Variants in SERINC2 observed in about 807,000 individuals in gnomAD.
SERINC2 encodes the protein serine incorporator 2.
SERINC2 carries 56 observed loss-of-function variants against 54.2 expected under a neutral mutation model. The ratio of observed to expected loss-of-function variants is 1.03; its 90% CI spans 0.83 to 1.29. The LOEUF is 1.29. Among genes scored for constraint, SERINC2 ranks in the 50% most tolerant of loss-of-function variants. The pLI, the probability that SERINC2 is intolerant of heterozygous loss-of-function variation, is 0.00. For missense variants in SERINC2, 614 were observed against 607.4 expected (o/e 1.01, Z -0.12); for synonymous variants, 272 against 253.1 (o/e 1.07, Z -0.71).
chr1:31,414,419 GGTT>G (rs199861487), intron 1 of SERINC2: 42 of 1,146,258 alleles, frequency 3.7e-5, no homozygotes, highest in African/African-American at 1.5e-4. Context: ...GTCCCTGACG[GGTT>G]GTGTGTGTGT....
chr1:31,431,760 GAGGGTGGAGAGGGTGAATAGGGTGGAT>G lies in SERINC2; in HGVS notation c.1014-1198_1014-1172del, dbSNP rs1353205868. ...TATGGTATTTGGTAGATAGGGTGGA[GAGGGTGGAGAGGGTGAATAGGGTGGAT>G]AGGGTGGATAGGGTGGACAGGGTGG... is the stretch of plus-strand genomic sequence containing the variant. On this transcript the variant is annotated intron_variant, in intron 8 of 9. Coordinates refer to ENST00000373709, the MANE Select transcript of SERINC2 (RefSeq NM_178865.5). Among the ~76,000 whole-genome samples the G allele has an allele frequency of 2.1e-3, 215 of 103,748 alleles. 1 individual carries two copies. Among genetic ancestry groups the G allele is most frequent in the African/African-American group, 7.2e-3 (199 of 27,642 alleles). The allele number at this position is 103,748 out of a possible 152,430, so 68.1% of individuals were successfully genotyped here.
In SERINC2 at chr1:31,425,639, C is replaced by T. The variant is rs115143581; in HGVS notation, c.473-137C>T. On this transcript the variant is annotated intron_variant, in intron 4 of 9. Coordinates refer to ENST00000373709, the MANE Select transcript of SERINC2 (RefSeq NM_178865.5). ...CCCGACCCATATCCTGCCCTCTGTG[C>T]GTAGCTAGGGGCTCCCTGAGGGCAG... The T allele has an allele frequency of 9.7e-4, 1,105 of 1,144,488 alleles. 10 individuals are homozygous for T. In the African/African-American group the frequency reaches 0.014, roughly 15 times the overall value. 70.9% of individuals were successfully genotyped at this position (1,144,488 alleles called of 1,614,324 possible).
rs974485715 is a variant in SERINC2 at position 31,434,661 on chromosome 1, A to G, written c.*462A>G. 1 of 177,070 alleles carries G rather than the reference A, an allele frequency of 5.6e-6. No homozygotes were observed. Among genetic ancestry groups the G allele is most frequent in the African/African-American group, 2.4e-5 (1 of 42,324 alleles). 11.0% of individuals were successfully genotyped at this position (177,070 alleles called of 1,614,324 possible). A position where few individuals can be genotyped will look rare whatever the true frequency, so the allele number is the denominator to read the frequency against. On this transcript the variant is annotated 3_prime_UTR_variant, in exon 10 of 10. Transcript: ENST00000373709. ...GTCTCTAAGACTTTTTCTAATAAAC[A>G]AGCCAGTGCGTGTACCATGTTCTGT...
intron 6 of SERINC2, among the ~76,000 whole-genome samples, chr1:31,427,334 G>A (rs1441603370): frequency 6.6e-6 from 1 of 152,176 alleles, no homozygotes; most frequent in Non-Finnish European, 1.5e-5. Context: ...TCTTCAGAAA[G>A]TACCGCTGGA....
At chr1:31,413,188 G>GTCCGC (rs1640686016), upstream of SERINC2, 1 of 1,025,904 alleles carries the variant, frequency 9.7e-7, no homozygotes, top group African/African-American at 1.7e-5. The surrounding 1 kb of genome is among the most constrained non-coding windows in gnomAD (Gnocchi z 5.0). Context: ...GGCCGGGGAG[G>GTCCGC]GGCCAGGCCC....
At chr1:31,422,209 G>C (rs1640918946) in intron 1 of SERINC2, among the ~76,000 whole-genome samples, 2 of 151,526 alleles carry the variant, frequency 1.3e-5, no homozygotes, top group South Asian at 4.2e-4. Flanking sequence ...TGAGGTGGGA[G>C]GATGGCTTGA....
chr1:31,429,736 C>T (rs1570058677), intron 8 of SERINC2, among the ~76,000 whole-genome samples, 198 bp downstream of exon 8: 1 of 152,212 alleles, frequency 6.6e-6, no homozygotes, highest in East Asian at 1.9e-4. Flanking sequence ...CAGGCGTGAC[C>T]TTGCCTCCTG....
chr1:31,433,036 C>T lies in SERINC2; in HGVS notation c.1083C>T (p.Asp361=), dbSNP rs201239431. ...CCGAGGAGTGCCCACCTATGCTAGACGCCACACAGCAGCAGCAGCAGGTGG... is the reference window on the plus strand; with the variant it reads ...CCGAGGAGTGCCCACCTATGCTAGATGCCACACAGCAGCAGCAGCAGGTGG... ...MQTEECPPML[D]ATQQQQQVAA... Residue 361 remains aspartate, a synonymous_variant, in exon 9 of 10, where the codon GAC becomes GAT. Coordinates refer to ENST00000373709, the MANE Select transcript of SERINC2 (RefSeq NM_178865.5). 100 of 1,532,876 alleles carry T rather than the reference C, an allele frequency of 6.5e-5. No homozygotes were observed. The highest frequency in any genetic ancestry group is 5.4e-4 in the African/African-American group (28 of 52,074). The allele number at this position is 1,532,876 out of a possible 1,614,324, so 95.0% of individuals were successfully genotyped here.
rs145105630 is a variant in SERINC2 at position 31,434,366 on chromosome 1, A to C, written c.*167A>C. On this transcript the variant is annotated 3_prime_UTR_variant, in exon 10 of 10. Coordinates refer to ENST00000373709, the MANE Select transcript of SERINC2 (RefSeq NM_178865.5). ...CGGGCCTTCTAGTCGTAGTGCCTTCAGGGTCCGAGGAGCATCAGGCTCCTG... is the reference window on the plus strand; with the variant it reads ...CGGGCCTTCTAGTCGTAGTGCCTTCCGGGTCCGAGGAGCATCAGGCTCCTG... 2.0e-3 allele frequency: 1,347 copies of C among 658,700 alleles called. 16 individuals are homozygous for C. The African/African-American group carries it at 0.022, about 11-fold the overall frequency. 40.8% of individuals were successfully genotyped at this position (658,700 alleles called of 1,614,324 possible). A position where few individuals can be genotyped will look rare whatever the true frequency, so the allele number is the denominator to read the frequency against.
Position 31,413,971 on chromosome 1 carries a change from C to G in SERINC2, c.39+667C>G. 1 of 1,529,196 alleles carries G rather than the reference C, an allele frequency of 6.5e-7. No homozygotes were observed. Among genetic ancestry groups the G allele is most frequent in the South Asian group, 1.2e-5 (1 of 83,628 alleles). 94.7% of individuals were successfully genotyped at this position (1,529,196 alleles called of 1,614,324 possible). The stretch of plus-strand genomic sequence containing the variant: ...CTCGCGCTGCCTCTCAGGCACTTCC[C>G]CAGCTCGCCCCGGATCATCTGGGCC... On this transcript the variant is annotated intron_variant, in intron 1 of 9. Transcript: ENST00000373709. This position sits in a 1 kb window ranked among gnomAD's most constrained non-coding sequence, Gnocchi z 5.0.
chr1:31,414,856 A>G, intron 1 of SERINC2: 4 of 821,066 alleles, frequency 4.9e-6, no homozygotes, highest in Non-Finnish European at 5.9e-6. Context: ...TGCCTTGGTC[A>G]CCCCATCTGG....
intron 6 of SERINC2, 111 bp downstream of exon 6, chr1:31,426,934 A>C: frequency 1.0e-6 from 1 of 967,466 alleles, no homozygotes; most frequent in Non-Finnish European, 1.5e-6. Flanking sequence ...GCACGGCCTG[A>C]GTGTGTGGGC....
Position 31,426,690 on chromosome 1 carries a change from C to G in SERINC2, c.647C>G (p.Ser216Trp), listed in dbSNP as rs782328897. The G allele has an allele frequency of 1.9e-6, 3 of 1,613,194 alleles. No homozygotes were observed. The highest frequency in any genetic ancestry group is 2.5e-6 in the Non-Finnish European group (3 of 1,179,236). ...FFFTLLFYLL[S>W]IAAVALMFMY... ...TTCACTCTCCTCTTCTACTTGCTGT[C>G]GATCGCGGCCGTGGCGCTGATGTTC... The change falls in exon 6 of 10, where the codon TCG becomes TGG. Residue 216 changes from serine to tryptophan, a missense_variant. Coordinates refer to ENST00000373709, the MANE Select transcript of SERINC2 (RefSeq NM_178865.5).
chr1:31,409,879 T>C (rs1553131256), upstream of SERINC2: 9 of 1,538,746 alleles, frequency 5.8e-6, no homozygotes, highest in Middle Eastern at 1.7e-4. Context: ...AGAGAATGGA[T>C]TGGGGGCACT....
rs1026657515 is a variant in SERINC2 at position 31,413,904 on chromosome 1, T to C, written c.39+600T>C. 4 of 1,413,334 alleles carry C rather than the reference T, an allele frequency of 2.8e-6. No homozygotes were observed. Among genetic ancestry groups the C allele is most frequent in the Non-Finnish European group, 3.7e-6 (4 of 1,089,866 alleles). The allele number at this position is 1,413,334 out of a possible 1,614,324, so 87.5% of individuals were successfully genotyped here. Reference sequence around the variant, plus strand: ...GTCCGTCTGCCCGTCCGCCCGTCCGTCCCTCAGTCTCTCTGCGGTCCCTTT... The same window carrying C: ...GTCCGTCTGCCCGTCCGCCCGTCCGCCCCTCAGTCTCTCTGCGGTCCCTTT... On this transcript the variant is annotated intron_variant, in intron 1 of 9. Transcript: ENST00000373709. This position sits in a 1 kb window ranked among gnomAD's most constrained non-coding sequence, Gnocchi z 5.0.
At chr1:31,430,111 C>T (rs1216689854) in intron 8 of SERINC2, among the ~76,000 whole-genome samples, 3 of 152,140 alleles carry the variant, frequency 2.0e-5, no homozygotes, top group Non-Finnish European at 4.4e-5. Context: ...CTGGGCAAGT[C>T]ACTTAACCTC....
intron 1 of SERINC2, among the ~76,000 whole-genome samples, chr1:31,420,796 T>G (rs1640885632): frequency 6.6e-6 from 1 of 152,184 alleles, no homozygotes; most frequent in South Asian, 2.1e-4. Context: ...GTAGATAAAG[T>G]GCTTATCACA....
In SERINC2 at chr1:31,432,164, A is replaced by ACAGGG. The variant is rs1641303581; in HGVS notation, c.1014-803_1014-802insCAGGG. Among the ~76,000 whole-genome samples, 4 of 82,438 alleles carry ACAGGG rather than the reference A, an allele frequency of 4.9e-5. 1 individual carries two copies. Among genetic ancestry groups the ACAGGG allele is most frequent in the Non-Finnish European group, 2.2e-5 (1 of 44,958 alleles). 54.1% of individuals were successfully genotyped at this position (82,438 alleles called of 152,430 possible). ...AGGGTGGACAGGGTGGACAGGGTGG[A>ACAGGG]TAGGGTGGATAGGGTGGATAGGGTG... On this transcript the variant is annotated intron_variant, in intron 8 of 9. Coordinates refer to ENST00000373709, the MANE Select transcript of SERINC2 (RefSeq NM_178865.5).
chr1:31,425,944 G>T, intron 5 of SERINC2, 31 bp downstream of exon 5: 1 of 1,599,506 alleles, frequency 6.3e-7, no homozygotes, highest in South Asian at 1.1e-5. Flanking sequence ...TCCGTGTGGG[G>T]ACTCGAGCCT....
Sources: gnomAD v4.1 joint callset for allele counts (sites outside exome capture counted in the v4.1 genomes callset) on GRCh38, gnomAD v4.1.1 for gene constraint, Gnocchi (gnomAD v3.1) non-coding constraint, MANE v1.5 for transcripts, NCBI Gene and HGNC (gene_info 2026-07-23, HGNC 2026-07-21) for gene names.